Variants in RCN1 observed in about 807,000 individuals in gnomAD.
The protein encoded by RCN1 is reticulocalbin-1.
Under a neutral mutation model 34.7 loss-of-function variants are expected in RCN1, and 14 were observed. The observed-to-expected ratio is 0.40, with a 90% CI of 0.27 to 0.63. The LOEUF is 0.63. Ranked by LOEUF, RCN1 falls within the 30% of genes least tolerant of loss-of-function variation. The probability of loss-of-function intolerance (pLI) is 0.37; values close to 1 mark genes in which losing one functional copy is unlikely to be tolerated. For synonymous variants in RCN1, 125 were observed against 165.5 expected, an observed-to-expected ratio of 0.76 and a Z score of 1.88; for missense variants, 326 against 425.1, an observed-to-expected ratio of 0.77 and a Z score of 2.05.
At chr11:32,101,586 C>A (rs1852043579) in intron 4 of RCN1, among the ~76,000 whole-genome samples, 2 of 152,180 alleles carry the variant, frequency 1.3e-5, no homozygotes, top group South Asian at 2.1e-4. Context: ...CAATGAAGAG[C>A]AGACTTTCCT....
chr11:32,093,153 G>C (rs1186471907), intron 1 of RCN1, among the ~76,000 whole-genome samples: 1 of 152,162 alleles, frequency 6.6e-6, no homozygotes, highest in African/African-American at 2.4e-5. Context: ...TTTATAAGGT[G>C]TGGTCATGCA....
chr11:32,091,706 G>C (rs1487638853), intron 1 of RCN1: 1 of 491,152 alleles, frequency 2.0e-6, no homozygotes, highest in South Asian at 2.9e-5. Flanking sequence ...GGCAGCGGCC[G>C]CGGGAGCCAG....
chr11:32,094,068 G>T (rs1458255946), intron 1 of RCN1, among the ~76,000 whole-genome samples: 1 of 152,202 alleles, frequency 6.6e-6, no homozygotes, highest in Admixed American at 6.5e-5. Context: ...TAAATGTGGG[G>T]TAGAGGCGGG....
At chr11:32,093,436 A>G (rs976146071) in intron 1 of RCN1, among the ~76,000 whole-genome samples, 4 of 152,192 alleles carry the variant, frequency 2.6e-5, no homozygotes, top group Non-Finnish European at 5.9e-5. Flanking sequence ...AATTGCTGCA[A>G]TGATGGCCTA....
intron 1 of RCN1, among the ~76,000 whole-genome samples, chr11:32,096,088 G>T (rs1386942737): frequency 1.3e-5 from 2 of 152,014 alleles, no homozygotes; most frequent in African/African-American, 4.8e-5. Flanking sequence ...ATTAATTAAA[G>T]ATTAATTGCC....
chr11:32,101,993 A>G (rs565962949), intron 4 of RCN1: 1 of 152,234 alleles, frequency 6.6e-6, no homozygotes, highest in Non-Finnish European at 1.5e-5. Flanking sequence ...GAAGCATCCC[A>G]TTCTTTACAG....
At chr11:32,095,992 G>T (rs1396085395) in intron 1 of RCN1, among the ~76,000 whole-genome samples, 1 of 152,034 alleles carries the variant, frequency 6.6e-6, no homozygotes, top group African/African-American at 2.4e-5. Flanking sequence ...TCCCCTTCTC[G>T]TGTACACCCT....
chr11:32,092,135 C>G (rs1454335273), intron 1 of RCN1, among the ~76,000 whole-genome samples: 3 of 151,774 alleles, frequency 2.0e-5, no homozygotes, highest in African/African-American at 7.3e-5. Context: ...GGCGAAATCC[C>G]GTCTCTACTA....
chr11:32,091,540 G>A (rs555252762), intron 1 of RCN1, 90 bp downstream of exon 1: 1 of 1,471,918 alleles, frequency 6.8e-7, no homozygotes, highest in East Asian at 2.7e-5. Context: ...CCGCCAAAGC[G>A]AAAGCGAAAT....
intron 4 of RCN1, chr11:32,102,876 A>G (rs1852062732): frequency 2.5e-6 from 1 of 396,918 alleles, no homozygotes; most frequent in Admixed American, 3.3e-5. Context: ...ATAGTGTTCA[A>G]TGTTAGTCAT....
chr11:32,103,535 C>T (rs1852072800), intron 5 of RCN1, 55 bp downstream of exon 5: 5 of 1,532,024 alleles, frequency 3.3e-6, no homozygotes, highest in South Asian at 1.1e-5. Flanking sequence ...TACATAAGAT[C>T]GGTTTTGTTT....
chr11:32,091,720 GGCGAGGGCCC>G, intron 1 of RCN1: 1 of 468,864 alleles, frequency 2.1e-6, no homozygotes, highest in Non-Finnish European at 3.7e-6. Flanking sequence ...GAGCCAGGAC[GGCGAGGGCCC>G]GCCCCCTCCC....
In RCN1 at chr11:32,104,509, A is replaced by G. The variant is rs780275887; in HGVS notation, c.*37A>G. The G allele has an allele frequency of 1.9e-6, 2 of 1,046,178 alleles. No individual in the cohort carries two copies. The highest frequency in any genetic ancestry group is 2.5e-5 in the East Asian group (1 of 40,456). 64.8% of individuals were successfully genotyped at this position (1,046,178 alleles called of 1,614,324 possible). A position where few individuals can be genotyped will look rare whatever the true frequency, so the allele number is the denominator to read the frequency against. On this transcript the variant is annotated 3_prime_UTR_variant, in exon 6 of 6. Transcript: ENST00000054950. ...CAGAATATGGCAGACTGTCATAGGC[A>G]TTCTGTTATTGTCTTGGATTGTTGC...
chr11:32,095,132 T>C (rs1851958413), intron 1 of RCN1, among the ~76,000 whole-genome samples: 1 of 152,182 alleles, frequency 6.6e-6, no homozygotes, highest in African/African-American at 2.4e-5. Context: ...ATCAGAGCAG[T>C]GCTTGGCACA....
chr11:32,097,918 G>A (rs1195438616), intron 2 of RCN1, among the ~76,000 whole-genome samples: 2 of 152,172 alleles, frequency 1.3e-5, no homozygotes, highest in Non-Finnish European at 2.9e-5. Context: ...TGGTGAGGTT[G>A]GCAAAGAAAC....
intron 5 of RCN1, 80 bp downstream of exon 5, chr11:32,103,560 A>G: frequency 8.0e-7 from 1 of 1,246,106 alleles, no homozygotes; most frequent in Middle Eastern, 1.9e-4. Flanking sequence ...TTTCGGCGAT[A>G]GCATTGACCC....
At chr11:32,098,208 T>C (rs1851994479) in intron 2 of RCN1, 142 bp from the exon 3 acceptor site, 1 of 642,350 alleles carries the variant, frequency 1.6e-6, no homozygotes, top group Non-Finnish European at 2.6e-6. Context: ...CATTCTGACA[T>C]AGAATGTTTT....
chr11:32,097,556 T>TA (rs907073503), intron 2 of RCN1, among the ~76,000 whole-genome samples: 2 of 151,972 alleles, frequency 1.3e-5, no homozygotes, highest in Non-Finnish European at 2.9e-5. Flanking sequence ...TGAGGGCTAA[T>TA]AAAAAAAATC....
chr11:32,098,870 C>G (rs1852004071), intron 3 of RCN1, among the ~76,000 whole-genome samples: 1 of 152,148 alleles, frequency 6.6e-6, no homozygotes, highest in Non-Finnish European at 1.5e-5. Context: ...CCTGGCAACA[C>G]CCAGCTGGCT....
Sources: gnomAD v4.1 joint callset for allele counts (sites outside exome capture counted in the v4.1 genomes callset) on GRCh38, gnomAD v4.1.1 for gene constraint, MANE v1.5 for transcripts, NCBI Gene and HGNC (gene_info 2026-07-23, HGNC 2026-07-21) for gene names.